The following TNFRSF8 variants were observed in gnomAD, a reference collection of about 807,000 sequenced individuals.
TNFRSF8 encodes the protein tumor necrosis factor receptor superfamily member 8.
A neutral mutation model predicts 70.8 loss-of-function variants in TNFRSF8; 26 were observed. The observed-to-expected ratio is 0.37, with a 90% CI of 0.27 to 0.51. TNFRSF8 has a LOEUF of 0.51. Ranked by LOEUF, TNFRSF8 falls within the 20% of genes least tolerant of loss-of-function variation. The pLI, the probability that TNFRSF8 is intolerant of heterozygous loss-of-function variation, is 0.94. For synonymous variants in TNFRSF8, 356 were observed against 339.2 expected, an observed-to-expected ratio of 1.05 and a Z score of -0.54; for missense variants, 720 against 807.9, an observed-to-expected ratio of 0.89 and a Z score of 1.32.
At chr1:12,083,830 A>G (rs562932218) in intron 1 of TNFRSF8, among the ~76,000 whole-genome samples, 1 of 152,384 alleles carries the variant, frequency 6.6e-6, no homozygotes, top group East Asian at 1.9e-4. Flanking sequence ...TGAATTAAAG[A>G]GGCCGATTGC....
chr1:12,123,858 C>T (rs2101026518), intron 10 of TNFRSF8, 31 bp downstream of exon 10: 1 of 1,512,086 alleles, frequency 6.6e-7, no homozygotes, highest in East Asian at 2.5e-5. Flanking sequence ...ACCCCTACTC[C>T]CAGCAGGGGC....
At chr1:12,140,734 G>T (rs1036874967) in intron 14 of TNFRSF8, among the ~76,000 whole-genome samples, 1 of 152,144 alleles carries the variant, frequency 6.6e-6, no homozygotes. Flanking sequence ...TTTCCCTGAG[G>T]AATGTGAGGG....
Position 12,109,784 on chromosome 1 carries a change from C to A in TNFRSF8, c.512+128C>A. 1 of 883,778 alleles carries A rather than the reference C, an allele frequency of 1.1e-6. No individual in the cohort carries two copies. Among genetic ancestry groups the A allele is most frequent in the Non-Finnish European group, 1.8e-6 (1 of 567,386 alleles). 54.7% of individuals were successfully genotyped at this position (883,778 alleles called of 1,614,324 possible). On this transcript the variant is annotated intron_variant, in intron 5 of 14. Transcript: ENST00000263932. The surrounding 1 kb of genome is among the most constrained non-coding windows in gnomAD (Gnocchi z 4.4). Reference sequence around the variant, plus strand: ...AGCGGGATTCAGCCCATGGTGTCAGCACTTTGGGGTGCCTCTCTGCCAAGC... The same window carrying A: ...AGCGGGATTCAGCCCATGGTGTCAGAACTTTGGGGTGCCTCTCTGCCAAGC...
intron 2 of TNFRSF8, among the ~76,000 whole-genome samples, chr1:12,085,273 G>T (rs1216758858): frequency 6.6e-6 from 1 of 151,992 alleles, no homozygotes; most frequent in African/African-American, 2.4e-5. Context: ...ACCACACCTG[G>T]CTAATTTTGT....
chr1:12,126,063 G>T lies in TNFRSF8; in HGVS notation c.1255+11G>T. 6.2e-7 allele frequency: 1 copy of T among 1,613,790 alleles called. No homozygotes were observed. Among genetic ancestry groups the T allele is most frequent in the South Asian group, 1.1e-5 (1 of 91,086 alleles). On this transcript the variant is annotated intron_variant, in intron 11 of 14. Transcript: ENST00000263932. ...AGCGAATTCGGCAGAGTAAGTGGCT[G>T]TGTCCTTGGGGCCTTGGGGAGGACA...
chr1:12,083,887 G>A (rs1259338335), intron 1 of TNFRSF8, among the ~76,000 whole-genome samples: 1 of 152,176 alleles, frequency 6.6e-6, no homozygotes, highest in Non-Finnish European at 1.5e-5. Flanking sequence ...TCCAAAAGCA[G>A]TCAACACTAA....
Position 12,113,037 on chromosome 1 carries a change from A to T in TNFRSF8, c.793+1023A>T, listed in dbSNP as rs1361008176. Reference sequence around the variant, plus strand: ...CTAAGGCTGCATAGCAAATTTTCTTAAAACTTAATTGTGAAAACAAATCAT... The same window carrying T: ...CTAAGGCTGCATAGCAAATTTTCTTTAAACTTAATTGTGAAAACAAATCAT... On this transcript the variant is annotated intron_variant, in intron 7 of 14. Coordinates refer to ENST00000263932, the MANE Select transcript of TNFRSF8 (RefSeq NM_001243.5). The surrounding 1 kb of genome is among the most constrained non-coding windows in gnomAD (Gnocchi z 4.9). Among the ~76,000 whole-genome samples, 1 of 152,264 alleles carries T rather than the reference A, an allele frequency of 6.6e-6. No individual in the cohort carries two copies. Among genetic ancestry groups the T allele is most frequent in the Non-Finnish European group, 1.5e-5 (1 of 68,050 alleles).
intron 2 of TNFRSF8, among the ~76,000 whole-genome samples, chr1:12,095,047 T>C (rs1570017133): frequency 6.6e-6 from 1 of 152,294 alleles, no homozygotes; most frequent in African/African-American, 2.4e-5. Context: ...TTCAATTATT[T>C]TAATTAGCTT....
At chr1:12,131,113 C>T (rs986344684) in intron 12 of TNFRSF8, among the ~76,000 whole-genome samples, 7 of 152,208 alleles carry the variant, frequency 4.6e-5, no homozygotes, top group African/African-American at 1.7e-4. Flanking sequence ...GTGTGCTCAA[C>T]AGCATCCTGG....
intron 1 of TNFRSF8, among the ~76,000 whole-genome samples, chr1:12,074,469 G>A (rs1327942149): frequency 2.6e-5 from 4 of 151,842 alleles, no homozygotes; most frequent in Admixed American, 2.6e-4. Flanking sequence ...TAGTAGAGAG[G>A]GGGTTTCGCT....
At chr1:12,081,172 A>C (rs1439811075) in intron 1 of TNFRSF8, among the ~76,000 whole-genome samples, 3 of 152,164 alleles carry the variant, frequency 2.0e-5, no homozygotes, top group Non-Finnish European at 4.4e-5. Flanking sequence ...GTGTGATGGC[A>C]GGAGGGAAGC....
intron 12 of TNFRSF8, among the ~76,000 whole-genome samples, chr1:12,131,620 A>G (rs531765526): frequency 3.3e-5 from 5 of 152,202 alleles, no homozygotes. Flanking sequence ...CAGCCTCCCC[A>G]GTAGCTGGGA....
intron 12 of TNFRSF8, among the ~76,000 whole-genome samples, chr1:12,126,653 C>T (rs960185661): frequency 2.0e-5 from 3 of 152,216 alleles, no homozygotes; most frequent in Admixed American, 2.0e-4. Context: ...CTTCTACCAC[C>T]TGGCAAGTCA....
chr1:12,116,282 C>T lies in TNFRSF8; in HGVS notation c.946+553C>T, dbSNP rs373752560. On this transcript the variant is annotated intron_variant, in intron 8 of 14. Transcript: ENST00000263932. The stretch of plus-strand genomic sequence containing the variant: ...AGGCCTGAGCCACCATGCCCAGCCC[C>T]GGGCTGGTAAAATCTTGACCTGTTT... Among the ~76,000 whole-genome samples the T allele has an allele frequency of 5.6e-4, 85 of 152,060 alleles. 1 individual carries two copies. The highest frequency in any genetic ancestry group is 5.3e-3 in the East Asian group (27 of 5,138).
At chr1:12,082,209 CT>C (rs1324741334) in intron 1 of TNFRSF8, among the ~76,000 whole-genome samples, 1 of 152,186 alleles carries the variant, frequency 6.6e-6, no homozygotes, top group Non-Finnish European at 1.5e-5. Context: ...TGGTGCTTCA[CT>C]TTCAAAGAAC....
At chr1:12,086,039 C>T (rs1172364748) in intron 2 of TNFRSF8, among the ~76,000 whole-genome samples, 2 of 152,166 alleles carry the variant, frequency 1.3e-5, no homozygotes, top group South Asian at 2.1e-4. Flanking sequence ...GGGCGGGCAT[C>T]GTCTGGAGGG....
At chr1:12,097,282 G>T in intron 3 of TNFRSF8, 65 bp downstream of exon 3, 1 of 1,225,868 alleles carries the variant, frequency 8.2e-7, no homozygotes, top group Non-Finnish European at 1.2e-6. Flanking sequence ...CAGAGGAGAG[G>T]TGAAGAATCT....
chr1:12,114,755 C>T (rs1309470151), intron 7 of TNFRSF8, among the ~76,000 whole-genome samples: 2 of 120,814 alleles, frequency 1.7e-5, no homozygotes, highest in Non-Finnish European at 3.2e-5. Context: ...GTCGCCCAGG[C>T]TGGAGTGCAG....
intron 1 of TNFRSF8, among the ~76,000 whole-genome samples, chr1:12,064,484 G>A (rs897004278): frequency 6.6e-6 from 1 of 150,798 alleles, no homozygotes; most frequent in Non-Finnish European, 1.5e-5. Flanking sequence ...CCCCTGCATA[G>A]AACCATAGTA....
Sources: gnomAD v4.1 joint callset for allele counts (sites outside exome capture counted in the v4.1 genomes callset) on GRCh38, gnomAD v4.1.1 for gene constraint, Gnocchi (gnomAD v3.1) non-coding constraint, MANE v1.5 for transcripts, NCBI Gene and HGNC (gene_info 2026-07-23, HGNC 2026-07-21) for gene names.